KLRC4: variants seen among roughly 807,000 people sequenced by gnomAD.
The protein encoded by KLRC4 is killer cell lectin like receptor C4.
KLRC4 carries 6 observed loss-of-function variants against 14.3 expected under a neutral mutation model. The ratio of observed to expected loss-of-function variants is 0.42; its 90% CI spans 0.23 to 0.83. The LOEUF (loss-of-function observed/expected upper bound fraction) is 0.83. Among genes scored for constraint, KLRC4 ranks in the 40% least tolerant of loss-of-function variants. The pLI is 0.29. For missense variants in KLRC4, 158 were observed against 179.4 expected (o/e 0.88, Z 0.68); for synonymous variants, 53 against 60.5 (o/e 0.88, Z 0.57).
rs1188563727 is a variant in KLRC4, at chr12:10,409,396, G to A, written c.180C>T (p.His60=). 5.6e-6 allele frequency: 9 copies of A among 1,608,264 alleles called. No homozygotes were observed. Among genetic ancestry groups the A allele is most frequent in the Non-Finnish European group, 5.1e-6 (6 of 1,174,574 alleles). Residue 60 remains histidine (H), a synonymous_variant, in exon 1 of 4, where the codon CAC becomes CAT. Transcript: ENST00000309384. ...ATCTATTTAATGTTTTACCTTTGCA[G>A]TGATATGTCTTGTCATTCCCTTGAT... ...SDHQGNDKTY[H]CKGLLPPPEK...
Position 10,409,439 on chromosome 12 carries a change from T to C in KLRC4, c.137A>G (p.Gln46Arg). 1 of 1,613,448 alleles carries C rather than the reference T, an allele frequency of 6.2e-7. No homozygotes were observed. The highest frequency in any genetic ancestry group is 8.5e-7 in the Non-Finnish European group (1 of 1,179,350). ...QEIFQVELNL[Q>R]NASSDHQGND... Reference sequence around the variant, plus strand: ...CCCTTGATGATCCGAAGAAGCATTTTGAAGGTTTAATTCTACTTGGAATAT... The same window carrying C: ...CCCTTGATGATCCGAAGAAGCATTTCGAAGGTTTAATTCTACTTGGAATAT... The change falls in exon 1 of 4, where the codon CAA becomes CGA. Residue 46 changes from glutamine (Q) to arginine (R), a missense_variant. Gln to Arg is a conservative substitution (Grantham distance 43). Coordinates refer to ENST00000309384, the MANE Select transcript of KLRC4 (RefSeq NM_013431.2).
chr12:10,408,654 G>A (rs1863537956), intron 2 of KLRC4, among the ~76,000 whole-genome samples: 1 of 151,930 alleles, frequency 6.6e-6, no homozygotes, highest in Non-Finnish European at 1.5e-5. Flanking sequence ...ACATGTCTTT[G>A]AGTCATGAAA....
Position 10,409,662 on chromosome 12 carries a change from T to C in KLRC4, c.-87A>G. The C allele has an allele frequency of 1.3e-6, 2 of 1,482,062 alleles. No individual in the cohort carries two copies. The highest frequency in any genetic ancestry group is 1.8e-6 in the Non-Finnish European group (2 of 1,107,478). The allele number at this position is 1,482,062 out of a possible 1,614,324, so 91.8% of individuals were successfully genotyped here. On this transcript the variant is annotated 5_prime_UTR_variant, in exon 1 of 4. Coordinates refer to ENST00000309384, the MANE Select transcript of KLRC4 (RefSeq NM_013431.2). ...GTGGTGTATATTTTGACAGGATCCC[T>C]GGTATAGGCAAACTGCATGTGTTGG...
Position 10,409,521 on chromosome 12 carries a change from T to C in KLRC4, c.55A>G (p.Arg19Gly), listed in dbSNP as rs571447859. ...SEVSLAQDPK[R>G]QQRKLKGNKI... Reference sequence around the variant, plus strand: ...TTGCCCTTAAGTTTCCTTTGCTGCCTCTTTGGGTCCTGGGCCAGACTCACT... The same window carrying C: ...TTGCCCTTAAGTTTCCTTTGCTGCCCCTTTGGGTCCTGGGCCAGACTCACT... The change falls in exon 1 of 4, where the codon AGG (arginine) becomes GGG (glycine). Residue 19 changes from arginine to glycine, a missense_variant. Coordinates refer to ENST00000309384, the MANE Select transcript of KLRC4 (RefSeq NM_013431.2). The C allele has an allele frequency of 6.2e-7, 1 of 1,614,082 alleles. No homozygotes were observed. Among genetic ancestry groups the C allele is most frequent in the South Asian group, 1.1e-5 (1 of 91,080 alleles).
rs573449626 is a variant in KLRC4 at position 10,407,959 on chromosome 12, G to A, written c.341-170C>T. 5.3e-5 allele frequency among the ~76,000 whole-genome samples: 8 copies of A among 151,978 alleles called. No homozygotes were observed. In the East Asian group the frequency reaches 1.5e-3, roughly 29 times the overall value. On this transcript the variant is annotated intron_variant, in intron 3 of 3. Transcript: ENST00000309384. ...CTCATACGCACATGCACAATAAAAG[G>A]TCCACCTCTCATCCCTTAATTGTGT...
chr12:10,408,813 A>G (rs2137848294), intron 2 of KLRC4, 99 bp downstream of exon 2: 2 of 1,468,474 alleles, frequency 1.4e-6, no homozygotes, highest in South Asian at 1.2e-5. Context: ...GATATACATT[A>G]AACAGAGAAT....
chr12:10,407,567 A>G lies in KLRC4; in HGVS notation c.*86T>C. 1.4e-6 allele frequency: 2 copies of G among 1,468,116 alleles called. No homozygotes were observed. Among genetic ancestry groups the G allele is most frequent in the Non-Finnish European group, 9.3e-7 (1 of 1,076,596 alleles). 90.9% of individuals were successfully genotyped at this position (1,468,116 alleles called of 1,614,324 possible). On this transcript the variant is annotated 3_prime_UTR_variant, in exon 4 of 4. Transcript: ENST00000309384. ...AGTAAATATATGTATAAACATATGG[A>G]TGATTTCTACAAATATGATATTGAC...
chr12:10,408,650 CTT>C (rs1863537873), intron 2 of KLRC4, among the ~76,000 whole-genome samples: 1 of 151,968 alleles, frequency 6.6e-6, no homozygotes, highest in Admixed American at 6.6e-5. Context: ...TAAAACATGT[CTT>C]TGAGTCATGA....
chr12:10,409,643 T>C lies in KLRC4; in HGVS notation c.-68A>G. 6 of 1,522,522 alleles carry C rather than the reference T, an allele frequency of 3.9e-6. No homozygotes were observed. The highest frequency in any genetic ancestry group is 5.3e-6 in the Non-Finnish European group (6 of 1,135,536). 94.3% of individuals were successfully genotyped at this position (1,522,522 alleles called of 1,614,324 possible). A position where few individuals can be genotyped will look rare whatever the true frequency, so the allele number is the denominator to read the frequency against. ...TGCACTTAAGAAGCTATAAGTGGTGTATATTTTGACAGGATCCCTGGTATA... is the reference window on the plus strand; with the variant it reads ...TGCACTTAAGAAGCTATAAGTGGTGCATATTTTGACAGGATCCCTGGTATA... On this transcript the variant is annotated 5_prime_UTR_variant, in exon 1 of 4. The change creates a new upstream start codon in the 5' untranslated region. Transcript: ENST00000309384.
rs141197549 is a variant in KLRC4 at position 10,408,058 on chromosome 12, TAAGTA to T, written c.340+266_340+270del. Among the ~76,000 whole-genome samples, 268 of 152,230 alleles carry T rather than the reference TAAGTA, an allele frequency of 1.8e-3. 2 individuals carry two copies. The highest frequency in any genetic ancestry group is 6.3e-3 in the African/African-American group (262 of 41,548). Reference sequence around the variant, plus strand: ...AACATCACTGAACAAAACTGCTTTTTAAGTATAGTAAAATTATTTATCTCTTATCA... The same window carrying T: ...AACATCACTGAACAAAACTGCTTTTTTAGTAAAATTATTTATCTCTTATCA... On this transcript the variant is annotated intron_variant, in intron 3 of 3. Coordinates refer to ENST00000309384, the MANE Select transcript of KLRC4 (RefSeq NM_013431.2).
At chr12:10,407,874 A>G in intron 3 of KLRC4, 85 bp from the exon 4 acceptor site, 1 of 1,491,816 alleles carries the variant, frequency 6.7e-7, no homozygotes, top group East Asian at 2.3e-5. Context: ...ATAAACATAC[A>G]GGTACACAAT....
chr12:10,407,821 A>C (rs1565500063), intron 3 of KLRC4, 32 bp from the exon 4 acceptor site: 1 of 1,588,614 alleles, frequency 6.3e-7, no homozygotes, highest in Admixed American at 1.8e-5. Flanking sequence ...TATGCAAAAC[A>C]ATATGTTTAC....
In KLRC4 at chr12:10,409,722, A is replaced by C; in HGVS notation, c.-147T>G. On this transcript the variant is annotated 5_prime_UTR_variant, in exon 1 of 4. It adds an upstream start codon to the 5' untranslated region. Transcript: ENST00000309384. Reference sequence around the variant, plus strand: ...AGTAATGTTCATTTTGCTGTTGACCAATATAAAAGTCTGGTACTAATTTCC... The same window carrying C: ...AGTAATGTTCATTTTGCTGTTGACCCATATAAAAGTCTGGTACTAATTTCC... 1 of 1,176,458 alleles carries C rather than the reference A, an allele frequency of 8.5e-7. No homozygotes were observed. Among genetic ancestry groups the C allele is most frequent in the Non-Finnish European group, 1.1e-6 (1 of 893,072 alleles). 72.9% of individuals were successfully genotyped at this position (1,176,458 alleles called of 1,614,324 possible).
chr12:10,408,945 C>A lies in KLRC4; in HGVS notation c.253G>T (p.Ala85Ser). The change falls in exon 2 of 4, where the codon GCC becomes TCC. Residue 85 changes from alanine to serine, a missense_variant. By Grantham distance (99) the Ala-to-Ser change is moderately conservative (BLOSUM62 1). Coordinates refer to ENST00000309384, the MANE Select transcript of KLRC4 (RefSeq NM_013431.2). ...AGAACTATTGTTTTTAACACAGTGG[C>A]CATCAGGACAATGCAAATGATTCCT... ...VLGIICIVLM[A>S]TVLKTIVLIP... The A allele has an allele frequency of 6.2e-7, 1 of 1,613,680 alleles. No individual in the cohort carries two copies. The highest frequency in any genetic ancestry group is 8.5e-7 in the Non-Finnish European group (1 of 1,179,716).
Position 10,408,945 on chromosome 12 carries a change from C to T in KLRC4, c.253G>A (p.Ala85Thr), listed in dbSNP as rs761932770. ...VLGIICIVLM[A>T]TVLKTIVLIP... ...AGAACTATTGTTTTTAACACAGTGG[C>T]CATCAGGACAATGCAAATGATTCCT... Residue 85 changes from alanine to threonine, a missense_variant, in exon 2 of 4, where the codon GCC becomes ACC. Ala to Thr is a moderately conservative substitution (Grantham distance 58, BLOSUM62 0). Coordinates refer to ENST00000309384, the MANE Select transcript of KLRC4 (RefSeq NM_013431.2). 1 of 1,613,680 alleles carries T rather than the reference C, an allele frequency of 6.2e-7. No homozygotes were observed. Among genetic ancestry groups the T allele is most frequent in the Admixed American group, 1.7e-5 (1 of 59,992 alleles).
chr12:10,409,354 G>A, intron 1 of KLRC4, 35 bp downstream of exon 1: 1 of 1,580,410 alleles, frequency 6.3e-7, no homozygotes, highest in African/African-American at 1.3e-5. Context: ...GCACATCCTA[G>A]AACAATAATA....
In KLRC4 at chr12:10,407,409, G is replaced by A; in HGVS notation, c.*244C>T. 1 of 410,286 alleles carries A rather than the reference G, an allele frequency of 2.4e-6. No individual in the cohort carries two copies. The highest frequency in any genetic ancestry group is 4.3e-6 in the Non-Finnish European group (1 of 235,024). The allele number at this position is 410,286 out of a possible 1,614,324, so 25.4% of individuals were successfully genotyped here. ...TTAGTTTTCTTTATATTTATTTTGT[G>A]ATAAAAACATTTATAGAAGCATGGG... On this transcript the variant is annotated 3_prime_UTR_variant, in exon 4 of 4. Transcript: ENST00000309384.
At chr12:10,409,235 A>G (rs1380121924) in intron 1 of KLRC4, among the ~76,000 whole-genome samples, 154 bp downstream of exon 1, 4 of 152,238 alleles carry the variant, frequency 2.6e-5, no homozygotes. Context: ...ATGCCTGAAT[A>G]AAATCAGGCT....
Position 10,408,405 on chromosome 12 carries a change from T to TA in KLRC4, c.287-24dup, listed in dbSNP as rs769711773. 3 of 1,195,754 alleles carry TA rather than the reference T, an allele frequency of 2.5e-6. No homozygotes were observed. In the African/African-American group the frequency reaches 4.6e-5, roughly 18 times the overall value. 74.1% of individuals were successfully genotyped at this position (1,195,754 alleles called of 1,614,324 possible). A position where few individuals can be genotyped will look rare whatever the true frequency, so the allele number is the denominator to read the frequency against. On this transcript the variant is annotated intron_variant, in intron 2 of 3. Coordinates refer to ENST00000309384, the MANE Select transcript of KLRC4 (RefSeq NM_013431.2). ...TACCTAGAAAAATTAAAGTGATTCTTACAAAATTAATATCTAGACAAATTA... is the reference window on the plus strand; with the variant it reads ...TACCTAGAAAAATTAAAGTGATTCTTAACAAAATTAATATCTAGACAAATTA...
Sources: allele counts gnomAD v4.1 joint callset (sites outside exome capture counted in the v4.1 genomes callset), GRCh38; gene constraint gnomAD v4.1.1; transcripts MANE v1.5; gene names NCBI Gene and HGNC (gene_info 2026-07-23, HGNC 2026-07-21).